Variants in SLC39A6 observed in about 807,000 individuals in gnomAD.
SLC39A6 encodes the protein solute carrier family 39 member 6.
In SLC39A6, 51 loss-of-function variants were observed where a neutral mutation model predicts 63.5. That is an observed-to-expected ratio of 0.80 (90% confidence interval 0.64 to 1.01). The LOEUF is 1.01. SLC39A6 is among the 50% of genes least tolerant of loss of function. SLC39A6 has a pLI of 0.00. For synonymous variants in SLC39A6, 318 were observed against 324.7 expected (o/e 0.98, Z 0.22); for missense variants, 805 against 927.8 (o/e 0.87, Z 1.72).
intron 8 of SLC39A6, 25 bp downstream of exon 8, chr18:36,112,476 A>C (rs757415911): frequency 6.4e-7 from 1 of 1,571,288 alleles, no homozygotes; most frequent in Admixed American, 1.7e-5. Flanking sequence ...CCACTTGGCA[A>C]ATACAATTTA....
chr18:36,117,086 A>C (rs2089352038), intron 5 of SLC39A6, among the ~76,000 whole-genome samples: 1 of 152,166 alleles, frequency 6.6e-6, no homozygotes, highest in Admixed American at 6.5e-5. Flanking sequence ...AAAATACAAA[A>C]ATTAGCCGGG....
At chr18:36,110,230 T>C (rs2089290252) in intron 9 of SLC39A6, among the ~76,000 whole-genome samples, 1 of 152,174 alleles carries the variant, frequency 6.6e-6, no homozygotes, top group Non-Finnish European at 1.5e-5. Context: ...CAAAAAGATA[T>C]GACTCCTTTG....
At chr18:36,117,420 A>G (rs1423070492) in intron 5 of SLC39A6, among the ~76,000 whole-genome samples, 1 of 152,156 alleles carries the variant, frequency 6.6e-6, no homozygotes, top group Non-Finnish European at 1.5e-5. Context: ...AAACACCATT[A>G]ACATGATTTC....
At chr18:36,120,446 A>G (rs989480803) in intron 5 of SLC39A6, among the ~76,000 whole-genome samples, 2 of 152,160 alleles carry the variant, frequency 1.3e-5, no homozygotes, top group Non-Finnish European at 2.9e-5. Context: ...TTAATTTGAG[A>G]TTTCAGTGAA....
chr18:36,112,687 TGAATA>T, intron 7 of SLC39A6, 106 bp from the exon 8 acceptor site: 3 of 819,062 alleles, frequency 3.7e-6, no homozygotes, highest in African/African-American at 1.7e-5. Context: ...TGGCTGTGAA[TGAATA>T]GAAGTTTCCC....
At chr18:36,118,698 T>G (rs2089367659) in intron 5 of SLC39A6, among the ~76,000 whole-genome samples, 2 of 152,188 alleles carry the variant, frequency 1.3e-5, no homozygotes, top group Admixed American at 1.3e-4. Context: ...GTCCAAAAAC[T>G]AATGGAGCCA....
At chr18:36,124,755 T>TAATGGG in intron 2 of SLC39A6, 55 bp from the exon 3 acceptor site, 2 of 1,314,776 alleles carry the variant, frequency 1.5e-6, no homozygotes, top group Non-Finnish European at 2.1e-6. Context: ...TAGAGTAGTC[T>TAATGGG]GATGACACAA....
Position 36,112,560 on chromosome 18 carries a change from A to G in SLC39A6, c.1865T>C (p.Leu622Ser). The change falls in exon 8 of 10, where the codon TTA becomes TCA. Residue 622 changes from leucine to serine, a missense_variant. Coordinates refer to ENST00000269187, the MANE Select transcript of SLC39A6 (RefSeq NM_012319.4). ...AACAGAAGTACTTAAACCACTTGATAAGCCTTCAGTAAAAGCAGCACCTGT... is the reference window on the plus strand; with the variant it reads ...AACAGAAGTACTTAAACCACTTGATGAGCCTTCAGTAAAAGCAGCACCTGT... ...LAIGAAFTEGLSSGLSTSVAV... is the reference protein window; with the variant it reads ...LAIGAAFTEGSSSGLSTSVAV... The G allele has an allele frequency of 6.2e-7, 1 of 1,613,718 alleles. No individual in the cohort carries two copies. Among genetic ancestry groups the G allele is most frequent in the Non-Finnish European group, 8.5e-7 (1 of 1,179,720 alleles).
At chr18:36,116,546 A>G (rs886757058) in intron 6 of SLC39A6, 128 bp downstream of exon 6, 74 of 615,284 alleles carry the variant, frequency 1.2e-4, no homozygotes, top group Non-Finnish European at 1.9e-4. Context: ...AATATTTTAC[A>G]AAGTATGAGA....
Position 36,122,241 on chromosome 18 carries a change from G to A in SLC39A6, c.1170C>T (p.Ser390=). The A allele has an allele frequency of 1.9e-6, 3 of 1,613,874 alleles. No individual in the cohort carries two copies. Among genetic ancestry groups the A allele is most frequent in the Non-Finnish European group, 1.7e-6 (2 of 1,179,858 alleles). The change falls in exon 5 of 10, where the codon AGC becomes AGT. Residue 390 remains serine (S), a synonymous_variant. Transcript: ENST00000269187. Reference sequence around the variant, plus strand: ...TCATTTCCATTGCTGGTTCTTCATGGCTATGACTATGGTGGTGACTTGCAT... The same window carrying A: ...TCATTTCCATTGCTGGTTCTTCATGACTATGACTATGGTGGTGACTTGCAT... ...HSHASHHHSH[S]HEEPAMEMKR... is the part of the protein sequence containing the mutation.
chr18:36,118,333 T>G (rs2089364741), intron 5 of SLC39A6, among the ~76,000 whole-genome samples: 1 of 152,214 alleles, frequency 6.6e-6, no homozygotes, highest in Non-Finnish European at 1.5e-5. Context: ...GGAGAGGGTT[T>G]TACACAGGTA....
intron 6 of SLC39A6, among the ~76,000 whole-genome samples, chr18:36,114,786 G>A (rs2089330274): frequency 1.3e-5 from 2 of 151,966 alleles, no homozygotes; most frequent in Admixed American, 6.5e-5. Context: ...CTCATCCTAA[G>A]AGAAGAACCT....
chr18:36,111,854 A>G (rs2089303290), intron 8 of SLC39A6, among the ~76,000 whole-genome samples: 1 of 152,242 alleles, frequency 6.6e-6, no homozygotes, highest in South Asian at 2.1e-4. Flanking sequence ...AAAATTTAAT[A>G]TTGTGGTCTT....
At chr18:36,122,587 C>T (rs1229441192) in intron 4 of SLC39A6, among the ~76,000 whole-genome samples, 1 of 152,228 alleles carries the variant, frequency 6.6e-6, no homozygotes, top group Non-Finnish European at 1.5e-5. Flanking sequence ...ACAGTTTCTA[C>T]TGCTTATTTT....
At position 36,114,206 on chromosome 18, in the gene SLC39A6, G is replaced by GT; in HGVS notation, c.1733dup (p.His578GlnfsTer26). The stretch of plus-strand genomic sequence containing the variant: ...GCTCCTCCCGAGAGTAGCGCTGGCT[G>GT]TGACTGTGAGGATGGTGGTTTTGGT... On this transcript the variant is annotated frameshift_variant, in exon 7 of 10. Transcript: ENST00000269187. LOFTEE classifies it high-confidence loss of function. The GT allele has an allele frequency of 6.2e-7, 1 of 1,614,212 alleles. No individual in the cohort carries two copies.
chr18:36,109,537 T>G lies in SLC39A6; in HGVS notation c.*56A>C. On this transcript the variant is annotated 3_prime_UTR_variant, in exon 10 of 10. Coordinates refer to ENST00000269187, the MANE Select transcript of SLC39A6 (RefSeq NM_012319.4). Reference sequence around the variant, plus strand: ...AGTACAGCATACAAACTCATCTCCCTATGACCTACTGAAACTATGACAACT... The same window carrying G: ...AGTACAGCATACAAACTCATCTCCCGATGACCTACTGAAACTATGACAACT... 7.0e-7 allele frequency: 1 copy of G among 1,419,062 alleles called. No homozygotes were observed. Among genetic ancestry groups the G allele is most frequent in the Non-Finnish European group, 9.8e-7 (1 of 1,016,496 alleles). 87.9% of individuals were successfully genotyped at this position (1,419,062 alleles called of 1,614,324 possible). A position where few individuals can be genotyped will look rare whatever the true frequency, so the allele number is the denominator to read the frequency against.
chr18:36,126,391 T>C lies in SLC39A6; in HGVS notation c.617A>G (p.Glu206Gly), dbSNP rs766602721. 3 of 1,614,250 alleles carry C rather than the reference T, an allele frequency of 1.9e-6. No individual in the cohort carries two copies. The highest frequency in any genetic ancestry group is 4.5e-5 in the East Asian group (2 of 44,888). Reference protein sequence around the residue: ...SEGTHFLETIETPRPGKLFPK... With the variant: ...SEGTHFLETIGTPRPGKLFPK... ...GAAGAGTTTTCCAGGTCTTGGAGTC[T>C]CTATTGTCTCTAGAAAGTGAGTTCC... Residue 206 changes from glutamate to glycine, a missense_variant, in exon 2 of 10, where the codon GAG becomes GGG. Transcript: ENST00000269187.
In SLC39A6 at chr18:36,126,890, A is replaced by G. The variant is rs1221344096; in HGVS notation, c.118T>C (p.Trp40Arg). Residue 40 changes from tryptophan (W) to arginine (R), a missense_variant, in exon 2 of 10, where the codon TGG becomes CGG. Around this residue, in one of 4 missense-constraint regions of SLC39A6, gnomAD observed 639 missense variants for 644.0 expected, o/e 0.99. Coordinates refer to ENST00000269187, the MANE Select transcript of SLC39A6 (RefSeq NM_012319.4). ...PQTTEKISPN[W>R]ESGINVDLAI... ...AAGTCAACATTAATGCCAGATTCCCAATTCGGACTAATTTTCTCAGTGGTC... is the reference window on the plus strand; with the variant it reads ...AAGTCAACATTAATGCCAGATTCCCGATTCGGACTAATTTTCTCAGTGGTC... 1 of 1,614,040 alleles carries G rather than the reference A, an allele frequency of 6.2e-7. No individual in the cohort carries two copies. The highest frequency in any genetic ancestry group is 8.5e-7 in the Non-Finnish European group (1 of 1,180,020).
At chr18:36,114,018 T>C in intron 7 of SLC39A6, 79 bp downstream of exon 7, 2 of 1,491,448 alleles carry the variant, frequency 1.3e-6, no homozygotes, top group Non-Finnish European at 1.8e-6. Flanking sequence ...ACTAATCTAT[T>C]CTTTGTTAAA....
Sources: gnomAD v4.1 joint callset for allele counts (sites outside exome capture counted in the v4.1 genomes callset) on GRCh38, gnomAD v4.1.1 for gene constraint, gnomAD v4.1.1 regional missense constraint, MANE v1.5 for transcripts, NCBI Gene and HGNC (gene_info 2026-07-23, HGNC 2026-07-21) for gene names.